SV2B: variants seen among roughly 807,000 people sequenced by gnomAD.
The protein encoded by SV2B is solute carrier family 22 member B2.
In SV2B, 41 loss-of-function variants were observed where a neutral mutation model predicts 73.9. That is an observed-to-expected ratio of 0.56 (90% CI 0.43 to 0.72). The LOEUF (loss-of-function observed/expected upper bound fraction) is 0.72. Ranked by LOEUF, SV2B falls within the 30% of genes least tolerant of loss-of-function variation. The pLI, the probability that SV2B is intolerant of heterozygous loss-of-function variation, is 0.00. For missense variants in SV2B, 764 were observed against 857.8 expected, an observed-to-expected ratio of 0.89 and a Z score of 1.37; for synonymous variants, 314 against 314.2, an observed-to-expected ratio of 1.00 and a Z score of 0.01.
intron 1 of SV2B, among the ~76,000 whole-genome samples, chr15:91,161,730 A>G (rs932268347): frequency 1.3e-5 from 2 of 152,206 alleles, no homozygotes; most frequent in Admixed American, 6.5e-5. Context: ...TAGAATCTAG[A>G]TCAAGATCCA....
At chr15:91,107,553 T>C (rs567169321) in intron 1 of SV2B, among the ~76,000 whole-genome samples, 111 of 152,078 alleles carry the variant, frequency 7.3e-4, no homozygotes, top group African/African-American at 2.6e-3. Context: ...CCTTGTTATC[T>C]GCCCGCCTTG....
Position 91,252,642 on chromosome 15 carries a change from T to C in SV2B, c.784+122T>C. 2 of 1,082,008 alleles carry C rather than the reference T, an allele frequency of 1.8e-6. No homozygotes were observed. Among genetic ancestry groups the C allele is most frequent in the South Asian group, 7.5e-5 (2 of 26,618 alleles). 67.0% of individuals were successfully genotyped at this position (1,082,008 alleles called of 1,614,324 possible). A position where few individuals can be genotyped will look rare whatever the true frequency, so the allele number is the denominator to read the frequency against. ...GCACAGTTCCCGTACGTGACCTTGA[T>C]CTTTCTTAACAACTTCTAACATTGC... is the stretch of plus-strand genomic sequence containing the variant. On this transcript the variant is annotated intron_variant, in intron 4 of 12. Transcript: ENST00000394232. This position sits in a 1 kb window ranked among gnomAD's most constrained non-coding sequence, Gnocchi z 4.6.
chr15:91,153,969 C>T (rs1046774230), intron 1 of SV2B, among the ~76,000 whole-genome samples: 1 of 152,044 alleles, frequency 6.6e-6, no homozygotes, highest in Non-Finnish European at 1.5e-5. Context: ...GACACAGCTT[C>T]TCTAATCCTA....
intron 1 of SV2B, among the ~76,000 whole-genome samples, chr15:91,169,556 C>T (rs1181726440): frequency 6.6e-6 from 1 of 151,894 alleles, no homozygotes; most frequent in African/African-American, 2.4e-5. Context: ...TATTCATCTA[C>T]TCGCTCGACA....
intron 1 of SV2B, among the ~76,000 whole-genome samples, chr15:91,145,750 G>A (rs1359268659): frequency 6.6e-6 from 1 of 152,096 alleles, no homozygotes; most frequent in African/African-American, 2.4e-5. Flanking sequence ...ATGATGCTGA[G>A]CTTTTTTACA....
In SV2B at chr15:91,258,051, A is replaced by T. The variant is rs1178424828; in HGVS notation, c.785-370A>T. On this transcript the variant is annotated intron_variant, in intron 4 of 12. Coordinates refer to ENST00000394232, the MANE Select transcript of SV2B (RefSeq NM_001323032.3). The surrounding 1 kb of genome is among the most constrained non-coding windows in gnomAD (Gnocchi z 4.7). ...AATATGTTTCCTTTAACAATCTGCC[A>T]TCTTAAAATATAATGATTCTGTAGA... Among the ~76,000 whole-genome samples the T allele has an allele frequency of 6.6e-6, 1 of 152,218 alleles. No homozygotes were observed. Among genetic ancestry groups the T allele is most frequent in the African/African-American group, 2.4e-5 (1 of 41,452 alleles).
At chr15:91,247,112 A>G (rs985415433) in intron 2 of SV2B, among the ~76,000 whole-genome samples, 1 of 152,158 alleles carries the variant, frequency 6.6e-6, no homozygotes, top group Non-Finnish European at 1.5e-5. Flanking sequence ...CTTCAAAGAC[A>G]GCATTTGAGA....
chr15:91,108,349 C>T (rs754300013), intron 1 of SV2B, among the ~76,000 whole-genome samples: 5 of 152,126 alleles, frequency 3.3e-5, no homozygotes, highest in East Asian at 3.8e-4. Flanking sequence ...TCTGCAGTGT[C>T]GCATAGTTTG....
intron 1 of SV2B, among the ~76,000 whole-genome samples, chr15:91,164,796 C>T (rs1456605387): frequency 6.6e-6 from 1 of 152,102 alleles, no homozygotes; most frequent in East Asian, 1.9e-4. Flanking sequence ...TATAGATATG[C>T]TGACATTAAT....
rs1419314288 is a variant in SV2B, at chr15:91,298,061, C to G, written c.*5509C>G. 6.6e-6 allele frequency: 1 copy of G among 152,144 alleles called. No homozygotes were observed. The highest frequency in any genetic ancestry group is 1.5e-5 in the Non-Finnish European group (1 of 68,038). 9.4% of individuals were successfully genotyped at this position (152,144 alleles called of 1,614,324 possible). A position where few individuals can be genotyped will look rare whatever the true frequency, so the allele number is the denominator to read the frequency against. ...CTAGCTAGGGATGCACGGGGGTGATCAAGACATGACTAGATGTGAACCTGA... is the reference window on the plus strand; with the variant it reads ...CTAGCTAGGGATGCACGGGGGTGATGAAGACATGACTAGATGTGAACCTGA... On this transcript the variant is annotated 3_prime_UTR_variant, in exon 13 of 13. Coordinates refer to ENST00000394232, the MANE Select transcript of SV2B (RefSeq NM_001323032.3). The surrounding 1 kb of genome is among the most constrained non-coding windows in gnomAD (Gnocchi z 5.4).
chr15:91,133,853 T>TA (rs1319080903), intron 1 of SV2B, among the ~76,000 whole-genome samples: 1 of 152,064 alleles, frequency 6.6e-6, no homozygotes, highest in Non-Finnish European at 1.5e-5. Context: ...GCAGTGCACT[T>TA]ATGGTGATCA....
At position 91,220,127 on chromosome 15, in the gene SV2B, T is replaced by G. The variant is rs1319606400; in HGVS notation, c.-391-5746T>G. ...ATTTTTATTTATCTTGGGTAGATTC[T>G]CAGAATGGAACTGCTGGGTTATTTG... is the stretch of plus-strand genomic sequence containing the variant. On this transcript the variant is annotated intron_variant, in intron 1 of 12. Transcript: ENST00000394232. This position sits in a 1 kb window ranked among gnomAD's most constrained non-coding sequence, Gnocchi z 4.1. Among the ~76,000 whole-genome samples the G allele has an allele frequency of 1.3e-5, 2 of 152,250 alleles. No individual in the cohort carries two copies. Among genetic ancestry groups the G allele is most frequent in the African/African-American group, 4.8e-5 (2 of 41,466 alleles).
chr15:91,264,542 G>T (rs573802489), intron 6 of SV2B, among the ~76,000 whole-genome samples: 2 of 152,298 alleles, frequency 1.3e-5, no homozygotes, highest in South Asian at 4.2e-4. Context: ...AGCCAACTGG[G>T]ATTGGCTGAG....
At chr15:91,221,638 G>A (rs2046213089) in intron 1 of SV2B, among the ~76,000 whole-genome samples, 1 of 149,488 alleles carries the variant, frequency 6.7e-6, no homozygotes, top group African/African-American at 2.5e-5. Context: ...CAGCCCCATG[G>A]CCACCACCTT....
chr15:91,195,493 A>T (rs533125715), intron 1 of SV2B, among the ~76,000 whole-genome samples: 8 of 152,368 alleles, frequency 5.3e-5, no homozygotes, highest in African/African-American at 1.9e-4. Context: ...TACGTAACTT[A>T]TAAAATGGGG....
At chr15:91,135,423 A>G (rs1042829509) in intron 1 of SV2B, among the ~76,000 whole-genome samples, 1 of 152,226 alleles carries the variant, frequency 6.6e-6, no homozygotes. Flanking sequence ...AGCTACCTAC[A>G]TGGTGGTGAG....
chr15:91,142,357 C>T (rs990928282), intron 1 of SV2B, among the ~76,000 whole-genome samples: 1 of 152,144 alleles, frequency 6.6e-6, no homozygotes, highest in Non-Finnish European at 1.5e-5. Flanking sequence ...AAGATATTTT[C>T]CTGAACAAAG....
chr15:91,226,585 C>T lies in SV2B; in HGVS notation c.322C>T (p.Gln108Ter). The T allele has an allele frequency of 3.1e-6, 5 of 1,614,208 alleles. No homozygotes were observed. Among genetic ancestry groups the T allele is most frequent in the Non-Finnish European group, 4.2e-6 (5 of 1,180,028 alleles). ...GGATGAGTGTGGCCATGGCCGCTTC[C>T]AGTGGATCCTCTTTTTCGTCTTGGG... The part of the protein sequence containing the change: ...IMDECGHGRF[Q>*]WILFFVLGLA... The change falls in exon 2 of 13, where the codon CAG becomes TAG. Residue 108 changes from glutamine to a stop codon, truncating the protein, a stop_gained. Coordinates refer to ENST00000394232, the MANE Select transcript of SV2B (RefSeq NM_001323032.3). LOFTEE classifies it high-confidence loss of function.
rs915374576 is a variant in SV2B, at chr15:91,290,164, C to A, written c.1868+484C>A. On this transcript the variant is annotated intron_variant, in intron 12 of 12. Transcript: ENST00000394232. This position sits in a 1 kb window ranked among gnomAD's most constrained non-coding sequence, Gnocchi z 4.7. The stretch of plus-strand genomic sequence containing the variant: ...TGCACAGGTCGTATATGGGAAGAGG[C>A]CTTGTTTAAAGGCATAGGATCAAGG... 6.6e-6 allele frequency among the ~76,000 whole-genome samples: 1 copy of A among 152,006 alleles called. No homozygotes were observed. The highest frequency in any genetic ancestry group is 2.4e-5 in the African/African-American group (1 of 41,374).
Sources: gnomAD v4.1 joint callset for allele counts (sites outside exome capture counted in the v4.1 genomes callset) on GRCh38, gnomAD v4.1.1 for gene constraint, Gnocchi (gnomAD v3.1) non-coding constraint, MANE v1.5 for transcripts, NCBI Gene and HGNC (gene_info 2026-07-23, HGNC 2026-07-21) for gene names.